DGLUCY: variants seen among roughly 807,000 people sequenced by gnomAD.
DGLUCY encodes D-glutamate cyclase, mitochondrial.
A neutral mutation model predicts 58.5 loss-of-function variants in DGLUCY; 58 were observed. The observed-to-expected ratio is 0.99, with a 90% CI of 0.80 to 1.23. The LOEUF is 1.23. Ranked by LOEUF, DGLUCY falls within the 50% of genes most tolerant of loss-of-function variation. DGLUCY has a pLI of 0.00. For missense variants in DGLUCY, 779 were observed against 784.7 expected (o/e 0.99, Z 0.09); for synonymous variants, 325 against 314.1 (o/e 1.03, Z -0.37).
At chr14:91,207,033 C>G (rs1193305824) in intron 12 of DGLUCY, among the ~76,000 whole-genome samples, 1 of 151,684 alleles carries the variant, frequency 6.6e-6, no homozygotes, top group Admixed American at 6.6e-5. Context: ...TGGTGCATAC[C>G]TATAGTCCTG....
intron 11 of DGLUCY, among the ~76,000 whole-genome samples, chr14:91,203,046 C>T (rs545037511): frequency 2.6e-5 from 4 of 152,234 alleles, no homozygotes; most frequent in African/African-American, 4.8e-5. Context: ...AAGTCTCCAC[C>T]TTCCACTGAC....
rs113520482 is a variant in DGLUCY at position 91,188,413 on chromosome 14, G to A, written c.935-497G>A. On this transcript the variant is annotated intron_variant, in intron 8 of 13. Transcript: ENST00000256324. ...TCTGTCCTTCACTGCTGGGGTCAGG[G>A]GGCGGGGGTAGAATACACTGTGGCA... Among the ~76,000 whole-genome samples, 153 of 152,292 alleles carry A rather than the reference G, an allele frequency of 1.0e-3. 2 individuals are homozygous for A. The highest frequency in any genetic ancestry group is 3.5e-3 in the African/African-American group (145 of 41,564).
At chr14:91,216,645 C>A (rs76429888) in intron 13 of DGLUCY, among the ~76,000 whole-genome samples, 162 of 137,430 alleles carry the variant, frequency 1.2e-3, no homozygotes, top group Non-Finnish European at 1.3e-3. Context: ...GACCCTGTCT[C>A]AAAAAAAAAA....
At chr14:91,107,725 A>G (rs933776807), upstream of DGLUCY, among the ~76,000 whole-genome samples, 2 of 151,968 alleles carry the variant, frequency 1.3e-5, no homozygotes, top group East Asian at 3.9e-4. Context: ...GAGCAGGGAG[A>G]TGGAGAATAG....
chr14:91,193,106 G>A (rs1479312565), intron 9 of DGLUCY, among the ~76,000 whole-genome samples: 2 of 152,144 alleles, frequency 1.3e-5, no homozygotes, highest in African/African-American at 4.8e-5. Context: ...GTCTCCCTGT[G>A]TTAAGAGGAT....
At chr14:91,203,829 A>G (rs554882943) in intron 11 of DGLUCY, among the ~76,000 whole-genome samples, 8 of 152,226 alleles carry the variant, frequency 5.3e-5, no homozygotes, top group Admixed American at 5.2e-4. Flanking sequence ...GGCATGTGCC[A>G]CCATGTCTGG....
intron 1 of DGLUCY, among the ~76,000 whole-genome samples, chr14:91,069,393 A>G (rs1472929868): frequency 1.3e-5 from 2 of 152,070 alleles, no homozygotes; most frequent in African/African-American, 4.8e-5. Flanking sequence ...CTCCTGCCTC[A>G]GCCTCCCAAG....
At chr14:91,087,760 G>A (rs2044246967) in intron 1 of DGLUCY, among the ~76,000 whole-genome samples, 2 of 152,184 alleles carry the variant, frequency 1.3e-5, no homozygotes. Flanking sequence ...GACGCGTCAG[G>A]TTATAAATGA....
intron 1 of DGLUCY, chr14:91,090,975 A>C (rs2044301538): frequency 6.6e-6 from 1 of 152,128 alleles, no homozygotes; most frequent in Non-Finnish European, 1.5e-5. Context: ...GAGAGGGAGG[A>C]AGGTGTGGTC....
intron 1 of DGLUCY, among the ~76,000 whole-genome samples, chr14:91,087,535 T>C (rs917712964): frequency 2.6e-5 from 4 of 152,274 alleles, no homozygotes; most frequent in Non-Finnish European, 5.9e-5. Context: ...GGCATGCTTA[T>C]ACTGGTCCAA....
At chr14:91,077,738 G>T (rs184632745) in intron 1 of DGLUCY, among the ~76,000 whole-genome samples, 1 of 144,522 alleles carries the variant, frequency 6.9e-6, no homozygotes, top group Non-Finnish European at 1.5e-5. Context: ...GTGACAGAGC[G>T]AGACTCTGTC....
chr14:91,200,775 A>G (rs905882077), intron 11 of DGLUCY, among the ~76,000 whole-genome samples: 2 of 152,102 alleles, frequency 1.3e-5, no homozygotes, highest in African/African-American at 4.8e-5. Context: ...AGAGTCCACA[A>G]ACAGGCTTTG....
intron 1 of DGLUCY, among the ~76,000 whole-genome samples, chr14:91,082,514 C>T (rs1225958711): frequency 6.6e-6 from 1 of 152,196 alleles, no homozygotes; most frequent in Non-Finnish European, 1.5e-5. Flanking sequence ...GGCTTGCTCT[C>T]AACTTACAGA....
intron 1 of DGLUCY, among the ~76,000 whole-genome samples, chr14:91,079,979 G>C (rs1338870754): frequency 6.6e-6 from 1 of 151,998 alleles, no homozygotes; most frequent in African/African-American, 2.4e-5. Context: ...CCTTCCCCCA[G>C]GTAACCTGTA....
chr14:91,099,089 C>T (rs746002800), intron 1 of DGLUCY, among the ~76,000 whole-genome samples: 6 of 152,026 alleles, frequency 3.9e-5, no homozygotes, highest in Non-Finnish European at 7.4e-5. Flanking sequence ...GATGAAGAGC[C>T]GAAGAAAGGA....
chr14:91,131,726 G>A (rs187702037), intron 1 of DGLUCY, among the ~76,000 whole-genome samples: 9 of 151,692 alleles, frequency 5.9e-5, no homozygotes, highest in East Asian at 3.9e-4. Context: ...TTCATATTTC[G>A]TACTTCATAT....
intron 7 of DGLUCY, among the ~76,000 whole-genome samples, chr14:91,179,886 C>CTTA (rs2049069510): frequency 1.3e-5 from 1 of 75,984 alleles, no homozygotes. Flanking sequence ...ATGCTAAACA[C>CTTA]TTTTTTTTTT....
At chr14:91,169,815 C>A (rs1162656435) in intron 4 of DGLUCY, among the ~76,000 whole-genome samples, 188 bp from the exon 5 acceptor site, 6 of 152,062 alleles carry the variant, frequency 3.9e-5, no homozygotes, top group African/African-American at 1.4e-4. Context: ...TTAATCGTTT[C>A]CGATCTGGGG....
upstream of DGLUCY, among the ~76,000 whole-genome samples, chr14:91,104,802 G>A (rs1002413188): frequency 6.6e-6 from 1 of 152,120 alleles, no homozygotes; most frequent in South Asian, 2.1e-4. Context: ...CTGACTACCT[G>A]GTTGGAGTCC....
Sources: gnomAD v4.1 joint callset for allele counts (sites outside exome capture counted in the v4.1 genomes callset) on GRCh38, gnomAD v4.1.1 for gene constraint, MANE v1.5 for transcripts, NCBI Gene and HGNC (gene_info 2026-07-23, HGNC 2026-07-21) for gene names.